The following GPHN variants were observed in gnomAD, a reference collection of about 807,000 sequenced individuals.
GPHN encodes the protein gephyrin.
Under a neutral mutation model 95.5 loss-of-function variants are expected in GPHN, and 17 were observed. That is an observed-to-expected ratio of 0.18 (90% CI 0.12 to 0.27). GPHN has a LOEUF of 0.27. GPHN is among the 10% of genes least tolerant of loss of function. GPHN has a pLI of 1.00. For synonymous variants in GPHN, 320 were observed against 322.5 expected, an observed-to-expected ratio of 0.99 and a Z score of 0.08; for missense variants, 660 against 978.1, an observed-to-expected ratio of 0.67 and a Z score of 4.34.
chr14:66,926,467 A>C lies in GPHN; in HGVS notation c.828+2175A>C, dbSNP rs142962237. ...GGTGTCTAGTTTTAATAATCTGCAT[A>C]TGGATATCCAGTTTTCCCAGCACCA... is the stretch of plus-strand genomic sequence containing the variant. On this transcript the variant is annotated intron_variant, in intron 8 of 22. Transcript: ENST00000478722. 1.5e-4 allele frequency among the ~76,000 whole-genome samples: 23 copies of C among 152,276 alleles called. No homozygotes were observed. The East Asian group carries it at 3.1e-3, about 20-fold the overall frequency.
chr14:66,690,792 T>C (rs1216044293), intron 2 of GPHN, among the ~76,000 whole-genome samples: 2 of 152,334 alleles, frequency 1.3e-5, no homozygotes, highest in East Asian at 3.9e-4. Context: ...TTTTTTGTTT[T>C]TATGTTTGTT....
the GPHN span, among the ~76,000 whole-genome samples, chr14:67,665,302 G>A: frequency 6.9e-6 from 1 of 145,886 alleles, no homozygotes; most frequent in Non-Finnish European, 1.5e-5. Flanking sequence ...TCAGGCTGGA[G>A]TGAAGTGGCA....
chr14:67,021,688 A>G (rs1485442585), intron 9 of GPHN, among the ~76,000 whole-genome samples: 2 of 152,114 alleles, frequency 1.3e-5, no homozygotes, highest in South Asian at 2.1e-4. Flanking sequence ...TTATGAGACA[A>G]TTTGAACTAC....
chr14:67,247,859 A>C, the GPHN span, among the ~76,000 whole-genome samples: 2 of 152,156 alleles, frequency 1.3e-5, no homozygotes, highest in Non-Finnish European at 2.9e-5. Flanking sequence ...GATTACAGGC[A>C]TGAGTCACAG....
the GPHN span, among the ~76,000 whole-genome samples, chr14:67,451,842 G>A: frequency 6.6e-6 from 1 of 152,214 alleles, no homozygotes; most frequent in African/African-American, 2.4e-5. Flanking sequence ...GCGAAGATAG[G>A]AGATTCGGGA....
the GPHN span, among the ~76,000 whole-genome samples, chr14:67,469,383 C>T: frequency 6.6e-6 from 1 of 151,712 alleles, no homozygotes; most frequent in African/African-American, 2.4e-5. Context: ...CTCACGTGAT[C>T]CTCCTGATTC....
chr14:67,658,457 C>T, the GPHN span, among the ~76,000 whole-genome samples: 3 of 151,960 alleles, frequency 2.0e-5, no homozygotes, highest in Non-Finnish European at 4.4e-5. Flanking sequence ...ATTAGCCGGG[C>T]GTGGTGGTGG....
chr14:67,584,961 T>G, the GPHN span, among the ~76,000 whole-genome samples: 2 of 152,346 alleles, frequency 1.3e-5, no homozygotes, highest in South Asian at 4.1e-4. Flanking sequence ...ATGTCCAATG[T>G]CTATCTGCCT....
intron 2 of GPHN, among the ~76,000 whole-genome samples, chr14:66,773,135 C>G (rs905692707): frequency 1.2e-4 from 18 of 152,152 alleles, no homozygotes; most frequent in African/African-American, 4.1e-4. Flanking sequence ...CAGAGCTACT[C>G]CTACTTTGGG....
the GPHN span, chr14:67,685,087 T>G: frequency 6.2e-7 from 1 of 1,614,154 alleles, no homozygotes; most frequent in Non-Finnish European, 8.5e-7. Context: ...GGCTCCCTGC[T>G]GAGGAGTCTT....
chr14:66,799,898 T>C (rs2060284120), intron 3 of GPHN, among the ~76,000 whole-genome samples: 1 of 152,034 alleles, frequency 6.6e-6, no homozygotes, highest in African/African-American at 2.4e-5. Flanking sequence ...TGTCTTTCTT[T>C]AGTGAAGATG....
chr14:67,332,681 C>T, the GPHN span: 2 of 1,127,830 alleles, frequency 1.8e-6, no homozygotes, highest in Non-Finnish European at 2.5e-6. Context: ...AGAAGGAAAG[C>T]TATGAAGGTC....
At position 66,837,246 on chromosome 14, in the gene GPHN, A is replaced by G. The variant is rs891023189; in HGVS notation, c.294+12680A>G. Among the ~76,000 whole-genome samples the G allele has an allele frequency of 5.9e-5, 9 of 151,786 alleles. 1 individual carries two copies. The highest frequency in any genetic ancestry group is 1.9e-4 in the African/African-American group (8 of 41,120). On this transcript the variant is annotated intron_variant, in intron 4 of 22. Transcript: ENST00000478722. Reference sequence around the variant, plus strand: ...TAAGAAAATGTGGCATATGTACACCATGGAATACTATGCAGCCATAAAAAA... The same window carrying G: ...TAAGAAAATGTGGCATATGTACACCGTGGAATACTATGCAGCCATAAAAAA...
intron 5 of GPHN, among the ~76,000 whole-genome samples, chr14:66,891,275 A>G (rs571247197): frequency 6.6e-6 from 1 of 152,300 alleles, no homozygotes; most frequent in African/African-American, 2.4e-5. Context: ...TTATTTTTAT[A>G]CAATGACAAT....
At chr14:66,785,814 A>G (rs2059755825) in intron 3 of GPHN, among the ~76,000 whole-genome samples, 1 of 152,070 alleles carries the variant, frequency 6.6e-6, no homozygotes, top group Non-Finnish European at 1.5e-5. Context: ...TAAATAATCA[A>G]ATAAGATGTC....
intron 5 of GPHN, among the ~76,000 whole-genome samples, chr14:66,883,313 G>A (rs1201916672): frequency 6.6e-6 from 1 of 151,094 alleles, no homozygotes; most frequent in Non-Finnish European, 1.5e-5. Context: ...AATATCTAGT[G>A]GTTTTTATTT....
chr14:67,719,266 T>C, the GPHN span, among the ~76,000 whole-genome samples: 1 of 152,224 alleles, frequency 6.6e-6, no homozygotes, highest in East Asian at 1.9e-4. Context: ...TCCCTTTCAA[T>C]GTCAGTATTA....
intron 1 of GPHN, among the ~76,000 whole-genome samples, chr14:66,543,327 G>A (rs2059419385): frequency 6.6e-6 from 1 of 152,068 alleles, no homozygotes; most frequent in African/African-American, 2.4e-5. Flanking sequence ...TTTCTCAATA[G>A]TCATCATTTC....
At chr14:67,439,578 T>TTTC in the GPHN span, among the ~76,000 whole-genome samples, 14 of 107,720 alleles carry the variant, frequency 1.3e-4, 2 homozygotes, top group Middle Eastern at 7.8e-3. Flanking sequence ...TCTTTCTTTC[T>TTTC]TTCTTTCTTT....
Sources: allele counts gnomAD v4.1 joint callset (sites outside exome capture counted in the v4.1 genomes callset), GRCh38; gene constraint gnomAD v4.1.1; transcripts MANE v1.5; gene names NCBI Gene and HGNC (gene_info 2026-07-23, HGNC 2026-07-21).